The following ABHD12 variants were observed in gnomAD, a reference collection of about 807,000 sequenced individuals.
ABHD12 encodes the protein abhydrolase domain containing 12, lysophospholipase, also known as lysophosphatidylserine lipase ABHD12.
ABHD12 carries 43 observed loss-of-function variants against 58.3 expected under a neutral mutation model. The ratio of observed to expected loss-of-function variants is 0.74; its 90% CI spans 0.58 to 0.95. The LOEUF is 0.95. Ranked by LOEUF, ABHD12 falls within the 40% of genes least tolerant of loss-of-function variation. The pLI is 0.00. For synonymous variants in ABHD12, 219 were observed against 211.2 expected, an observed-to-expected ratio of 1.04 and a Z score of -0.32; for missense variants, 539 against 537.2, an observed-to-expected ratio of 1.00 and a Z score of -0.03.
At chr20:25,296,510 C>T (rs759692944), downstream of ABHD12, 2 of 1,613,260 alleles carry the variant, frequency 1.2e-6, no homozygotes, top group Non-Finnish European at 8.5e-7. Flanking sequence ...CCCCCAACAT[C>T]CCCCGGGACT....
intron 12 of ABHD12, among the ~76,000 whole-genome samples, chr20:25,301,618 G>A (rs954532824): frequency 3.3e-5 from 5 of 152,250 alleles, no homozygotes; most frequent in Non-Finnish European, 7.3e-5. Context: ...GCAGGTAGGC[G>A]AGTCTGGGCA....
chr20:25,381,530 G>A (rs1326032238), intron 1 of ABHD12, among the ~76,000 whole-genome samples: 1 of 151,938 alleles, frequency 6.6e-6, no homozygotes, highest in African/African-American at 2.4e-5. Flanking sequence ...CTATATGCAC[G>A]ACTGGCTGAG....
At chr20:25,308,398 G>T in intron 8 of ABHD12, 59 bp downstream of exon 8, 1 of 1,589,084 alleles carries the variant, frequency 6.3e-7, no homozygotes, top group Non-Finnish European at 8.6e-7. Context: ...CAGCAGGGCC[G>T]GGACTGGGGA....
downstream of ABHD12, among the ~76,000 whole-genome samples, chr20:25,298,642 T>C (rs1184482173): frequency 6.6e-6 from 1 of 152,214 alleles, no homozygotes; most frequent in Non-Finnish European, 1.5e-5. Context: ...CACACACACC[T>C]TTCTGGTGTG....
At chr20:25,380,285 G>C (rs963028942) in intron 1 of ABHD12, among the ~76,000 whole-genome samples, 1 of 152,090 alleles carries the variant, frequency 6.6e-6, no homozygotes, top group Non-Finnish European at 1.5e-5. Flanking sequence ...TTTTGAGATG[G>C]AGTTTCGCTC....
chr20:25,379,618 G>C (rs748157605), intron 1 of ABHD12, among the ~76,000 whole-genome samples: 13 of 152,134 alleles, frequency 8.5e-5, no homozygotes, highest in South Asian at 2.1e-4. Flanking sequence ...CTCTCCCCTG[G>C]ATTATTCCCA....
At chr20:25,375,622 T>C (rs895349169) in intron 1 of ABHD12, among the ~76,000 whole-genome samples, 2 of 152,178 alleles carry the variant, frequency 1.3e-5, no homozygotes, top group Non-Finnish European at 2.9e-5. Flanking sequence ...GTGGAAGCTC[T>C]CTCAAGGAGA....
intron 2 of ABHD12, chr20:25,339,016 A>G (rs901675347): frequency 7.5e-7 from 1 of 1,339,922 alleles, no homozygotes; most frequent in South Asian, 1.5e-5. Context: ...TTTTTGGGTA[A>G]TAAAAGCATT....
At chr20:25,369,009 G>A (rs937692235) in intron 1 of ABHD12, among the ~76,000 whole-genome samples, 2 of 151,872 alleles carry the variant, frequency 1.3e-5, no homozygotes, top group Non-Finnish European at 2.9e-5. Context: ...TATAGTCCCA[G>A]CTACTCGGGA....
intron 1 of ABHD12, among the ~76,000 whole-genome samples, chr20:25,345,113 T>C (rs2146048078): frequency 6.7e-6 from 1 of 149,752 alleles, no homozygotes; most frequent in Non-Finnish European, 1.5e-5. Flanking sequence ...GGAGATGGAG[T>C]CTCGCTCTGT....
At chr20:25,372,436 C>A (rs1324795733) in intron 1 of ABHD12, among the ~76,000 whole-genome samples, 6 of 152,072 alleles carry the variant, frequency 3.9e-5, no homozygotes, top group Non-Finnish European at 8.8e-5. Context: ...AACTCCTGGG[C>A]TCAAGTGATC....
chr20:25,375,647 G>A (rs1267902741), intron 1 of ABHD12, among the ~76,000 whole-genome samples: 1 of 152,050 alleles, frequency 6.6e-6, no homozygotes, highest in Non-Finnish European at 1.5e-5. Context: ...CTAGGGTACT[G>A]TAGGGCTCAC....
intron 1 of ABHD12, among the ~76,000 whole-genome samples, chr20:25,357,092 T>C (rs1054598585): frequency 3.3e-5 from 5 of 152,168 alleles, no homozygotes; most frequent in African/African-American, 1.2e-4. Context: ...CTGGGGTCAA[T>C]GCCCCCTTAA....
intron 1 of ABHD12, among the ~76,000 whole-genome samples, chr20:25,381,138 CATG>C (rs1169875469): frequency 6.6e-6 from 1 of 152,162 alleles, no homozygotes; most frequent in African/African-American, 2.4e-5. Context: ...GTCAGAGTGA[CATG>C]ATGACACACA....
At chr20:25,309,681 C>T in intron 6 of ABHD12, 106 bp from the exon 7 acceptor site, 2 of 1,528,182 alleles carry the variant, frequency 1.3e-6, no homozygotes, top group Admixed American at 3.5e-5. Flanking sequence ...CAGGGAGGGG[C>T]CCGCTTGGCC....
chr20:25,296,676 G>A (rs1273159507), downstream of ABHD12: 33 of 1,005,372 alleles, frequency 3.3e-5, 2 homozygotes, highest in East Asian at 8.7e-4. Context: ...GTGGTTTTGA[G>A]AGAGCAGGGT....
intron 1 of ABHD12, among the ~76,000 whole-genome samples, chr20:25,346,935 C>G (rs777048729): frequency 6.6e-6 from 1 of 152,104 alleles, no homozygotes; most frequent in Non-Finnish European, 1.5e-5. Context: ...TAAGCCACTG[C>G]GCCCGGCCAA....
chr20:25,317,420 T>A (rs1388902904), intron 4 of ABHD12, among the ~76,000 whole-genome samples: 1 of 152,194 alleles, frequency 6.6e-6, no homozygotes, highest in Non-Finnish European at 1.5e-5. Flanking sequence ...ACACCCTGTG[T>A]AGACAGAGGC....
chr20:25,295,031 CTG>C lies in ABHD12; in HGVS notation c.1158-3_1158-2del. 6.2e-7 allele frequency: 1 copy of C among 1,614,168 alleles called. No homozygotes were observed. Among genetic ancestry groups the C allele is most frequent in the Admixed American group, 1.7e-5 (1 of 60,030 alleles). On this transcript the variant is annotated splice_acceptor_variant and splice_polypyrimidine_tract_variant and intron_variant, in intron 12 of 12. Coordinates refer to the ABHD12 transcript ENST00000376542. LOFTEE classifies it high-confidence loss of function. ...GCTGGAACCTGGGCCCTGCTGAGGT[CTG>C]TGATAAAGGAAGTGCTTTTAAAATT...
Sources: gnomAD v4.1 joint callset for allele counts (sites outside exome capture counted in the v4.1 genomes callset) on GRCh38, gnomAD v4.1.1 for gene constraint, MANE v1.5 for transcripts, NCBI Gene and HGNC (gene_info 2026-07-23, HGNC 2026-07-21) for gene names.